The following RSPH14 variants were observed in gnomAD, a reference collection of about 807,000 sequenced individuals.
RSPH14 encodes radial spoke head 14 homolog, also known as rhabdoid tumor deletion region gene 1.
A neutral mutation model predicts 26.7 loss-of-function variants in RSPH14; 20 were observed. The observed-to-expected ratio is 0.75, with a 90% CI of 0.53 to 1.09. RSPH14 has a LOEUF of 1.09. Ranked by LOEUF, RSPH14 falls within the 50% of genes least tolerant of loss-of-function variation. RSPH14 has a pLI of 0.00. For synonymous variants in RSPH14, 177 were observed against 189.3 expected, an observed-to-expected ratio of 0.93 and a Z score of 0.53; for missense variants, 449 against 457.2, an observed-to-expected ratio of 0.98 and a Z score of 0.16.
At chr22:23,109,227 G>A (rs999898634) in intron 4 of RSPH14, among the ~76,000 whole-genome samples, 1 of 152,168 alleles carries the variant, frequency 6.6e-6, no homozygotes, top group Non-Finnish European at 1.5e-5. Flanking sequence ...AGTTCAAGGA[G>A]AACCAAGGCA....
chr22:23,113,552 G>A (rs1220019471), intron 4 of RSPH14, among the ~76,000 whole-genome samples: 10 of 152,238 alleles, frequency 6.6e-5, no homozygotes, highest in Non-Finnish European at 1.3e-4. Flanking sequence ...GGTTGCAAGC[G>A]AATAAGCTAT....
At chr22:23,129,322 A>T (rs1343934529) in intron 4 of RSPH14, among the ~76,000 whole-genome samples, 1 of 152,034 alleles carries the variant, frequency 6.6e-6, no homozygotes, top group Non-Finnish European at 1.5e-5. Flanking sequence ...TTCACAGATC[A>T]TGAGCAGCAC....
chr22:23,118,680 C>T (rs1374036822), intron 4 of RSPH14, among the ~76,000 whole-genome samples: 1 of 152,208 alleles, frequency 6.6e-6, no homozygotes, highest in African/African-American at 2.4e-5. Context: ...AGAGGCAGCT[C>T]CTCTGAATCC....
intron 6 of RSPH14, among the ~76,000 whole-genome samples, chr22:23,060,394 T>C (rs530599624): frequency 4.0e-5 from 6 of 150,544 alleles, no homozygotes; most frequent in Admixed American, 2.7e-4. Context: ...TGCGTGAACC[T>C]GGGAGGCGGA....
intron 4 of RSPH14, among the ~76,000 whole-genome samples, chr22:23,083,802 ACACCACACCT>A (rs2068740171): frequency 6.6e-6 from 1 of 152,202 alleles, no homozygotes; most frequent in African/African-American, 2.4e-5. Flanking sequence ...AACCAGCGGC[ACACCACACCT>A]GTTCAAGGTC....
the RSPH14 span, among the ~76,000 whole-genome samples, chr22:23,154,784 G>C: frequency 8.5e-5 from 13 of 152,164 alleles, no homozygotes; most frequent in African/African-American, 3.1e-4. Context: ...ATGAATTAAT[G>C]AAAGAATGAA....
chr22:23,079,821 C>T (rs1430085876), intron 4 of RSPH14, among the ~76,000 whole-genome samples: 1 of 152,130 alleles, frequency 6.6e-6, no homozygotes, highest in African/African-American at 2.4e-5. Context: ...GTGCCAGCCT[C>T]AGTTCTCAAG....
At chr22:23,132,408 T>C (rs1263525408) in intron 4 of RSPH14, among the ~76,000 whole-genome samples, 1 of 152,208 alleles carries the variant, frequency 6.6e-6, no homozygotes, top group Non-Finnish European at 1.5e-5. Flanking sequence ...ATCGGGTAGC[T>C]GTTACCCTGG....
upstream of RSPH14, chr22:23,146,815 G>A (rs2070804047): frequency 7.1e-7 from 1 of 1,413,462 alleles, no homozygotes; most frequent in African/African-American, 1.4e-5. Flanking sequence ...TTTACCTTGA[G>A]GAGCTGGGAG....
At chr22:23,153,615 G>A in the RSPH14 span, 1 of 984,780 alleles carries the variant, frequency 1.0e-6, no homozygotes, top group Non-Finnish European at 1.2e-6. Flanking sequence ...CCTTCCTCAG[G>A]TCTGAGGCAC....
intron 4 of RSPH14, among the ~76,000 whole-genome samples, chr22:23,072,752 A>G (rs1277932707): frequency 6.6e-6 from 1 of 152,130 alleles, no homozygotes; most frequent in African/African-American, 2.4e-5. Flanking sequence ...TGGGTTTGGG[A>G]CACAGGGAAT....
At chr22:23,136,060 C>T (rs1335614552) in intron 3 of RSPH14, 6 of 407,164 alleles carry the variant, frequency 1.5e-5, no homozygotes, top group African/African-American at 4.1e-5. Context: ...AGAAAGTCAC[C>T]GTTGGACACA....
At chr22:23,076,966 G>T (rs1050603963) in intron 4 of RSPH14, among the ~76,000 whole-genome samples, 2 of 152,192 alleles carry the variant, frequency 1.3e-5, no homozygotes, top group African/African-American at 4.8e-5. Flanking sequence ...GGAAGCTCTG[G>T]GCTGGGTCAA....
chr22:23,088,344 TGTG>T (rs2068872142), intron 4 of RSPH14, among the ~76,000 whole-genome samples: 2 of 152,092 alleles, frequency 1.3e-5, no homozygotes, highest in African/African-American at 4.8e-5. Flanking sequence ...CCCACATCCT[TGTG>T]TGAGGAAGGG....
chr22:23,121,934 T>C (rs2070041123), intron 4 of RSPH14, among the ~76,000 whole-genome samples: 1 of 152,062 alleles, frequency 6.6e-6, no homozygotes, highest in Non-Finnish European at 1.5e-5. Flanking sequence ...AGTTTCACTG[T>C]GTTGGCCAGG....
intron 4 of RSPH14, among the ~76,000 whole-genome samples, chr22:23,128,080 A>G (rs1374941201): frequency 6.6e-6 from 1 of 152,172 alleles, no homozygotes; most frequent in Non-Finnish European, 1.5e-5. Context: ...GGGAGACTGG[A>G]GGCAGGGCCA....
chr22:23,149,219 C>G (rs1466847116), upstream of RSPH14, among the ~76,000 whole-genome samples: 2 of 151,882 alleles, frequency 1.3e-5, no homozygotes, highest in African/African-American at 2.4e-5. Context: ...GGGGCGGGAC[C>G]CTTGCCATAC....
At chr22:23,145,448 G>T (rs778299791), upstream of RSPH14, 2 of 1,610,506 alleles carry the variant, frequency 1.2e-6, no homozygotes, top group African/African-American at 1.3e-5. Flanking sequence ...TCGACGATTC[G>T]TGTAGCCCGC....
At chr22:23,069,243 C>T (rs1473507901) in intron 4 of RSPH14, among the ~76,000 whole-genome samples, 4 of 152,116 alleles carry the variant, frequency 2.6e-5, no homozygotes, top group Non-Finnish European at 5.9e-5. Flanking sequence ...TCCAGGGCTG[C>T]TGCTCAAAGA....
Sources: gnomAD v4.1 joint callset for allele counts (sites outside exome capture counted in the v4.1 genomes callset) on GRCh38, gnomAD v4.1.1 for gene constraint, MANE v1.5 for transcripts, NCBI Gene and HGNC (gene_info 2026-07-23, HGNC 2026-07-21) for gene names.